Variants in FRS2 observed in about 807,000 individuals in gnomAD.
The protein encoded by FRS2 is FGFR signalling adaptor.
FRS2 carries 8 observed loss-of-function variants against 43.9 expected under a neutral mutation model. The ratio of observed to expected loss-of-function variants is 0.18; its 90% CI spans 0.11 to 0.33. FRS2 has a LOEUF of 0.33. FRS2 is among the 10% of genes least tolerant of loss of function. The pLI, the probability that FRS2 is intolerant of heterozygous loss-of-function variation, is 1.00. For synonymous variants in FRS2, 219 were observed against 220.3 expected (o/e 0.99, Z 0.05); for missense variants, 534 against 627.6 (o/e 0.85, Z 1.59).
chr12:69,569,165 A>G (rs374495404), intron 5 of FRS2, 69 bp downstream of exon 5: 16 of 863,568 alleles, frequency 1.9e-5, no homozygotes, highest in African/African-American at 6.8e-5. Flanking sequence ...TTCACTTAAC[A>G]TATCTTATTT....
At chr12:69,535,552 A>T in intron 3 of FRS2, among the ~76,000 whole-genome samples, 1 of 152,210 alleles carries the variant, frequency 6.6e-6, no homozygotes, top group Non-Finnish European at 1.5e-5. Context: ...AAATGAAAGG[A>T]TTCAAATAAT....
chr12:69,492,861 C>G (rs1301122065), intron 1 of FRS2, among the ~76,000 whole-genome samples: 3 of 152,140 alleles, frequency 2.0e-5, no homozygotes, highest in Non-Finnish European at 4.4e-5. Context: ...CAGCCATTGT[C>G]CTTCAGATGT....
chr12:69,576,237 C>G lies in FRS2; in HGVS notation c.*1282C>G, dbSNP rs1438092918. On this transcript the variant is annotated 3_prime_UTR_variant, in exon 9 of 9. Transcript: ENST00000549921. ...CTCTGCCCACTCTAGTGTTCCTCAGCTCTGCTGTCCTTTTACTTGTAGCTG... is the reference window on the plus strand; with the variant it reads ...CTCTGCCCACTCTAGTGTTCCTCAGGTCTGCTGTCCTTTTACTTGTAGCTG... 1 of 152,258 alleles carries G rather than the reference C, an allele frequency of 6.6e-6. No individual in the cohort carries two copies. Among genetic ancestry groups the G allele is most frequent in the Non-Finnish European group, 1.5e-5 (1 of 68,042 alleles). 9.4% of individuals were successfully genotyped at this position (152,258 alleles called of 1,614,324 possible).
At chr12:69,568,205 A>G (rs1019681896) in intron 4 of FRS2, among the ~76,000 whole-genome samples, 5 of 152,194 alleles carry the variant, frequency 3.3e-5, no homozygotes, top group African/African-American at 1.2e-4. Context: ...CAGTTTTGCC[A>G]GTATTCTGTG....
intron 1 of FRS2, among the ~76,000 whole-genome samples, chr12:69,511,644 A>AGTT (rs1238801749): frequency 2.0e-5 from 3 of 152,212 alleles, no homozygotes; most frequent in Admixed American, 2.0e-4. Flanking sequence ...TCAGTCGTTG[A>AGTT]GTTCTATGAT....
At chr12:69,498,701 G>A (rs1873151522) in intron 1 of FRS2, among the ~76,000 whole-genome samples, 1 of 152,102 alleles carries the variant, frequency 6.6e-6, no homozygotes. Flanking sequence ...GGGAAGTCTG[G>A]CCTGTGCATG....
chr12:69,571,432 C>G lies in FRS2; in HGVS notation c.410C>G (p.Thr137Arg). ...LEVPRTPRTP[T>R]TPGFAAQNLP... is the part of the protein sequence containing the mutation. ...GTCCCTAGAACACCTCGAACACCTA[C>G]AAGTAAGTACCCCTTTTCCCTTTCA... Residue 137 changes from threonine (T) to arginine (R), a missense_variant and splice_region_variant, in exon 7 of 9, where the codon ACA becomes AGA. This residue lies in a region of FRS2 where 446 missense variants were observed against 494.2 expected (regional missense o/e 0.90). Coordinates refer to ENST00000549921, the MANE Select transcript of FRS2 (RefSeq NM_001278356.2). The G allele has an allele frequency of 1.9e-6, 3 of 1,608,820 alleles. No homozygotes were observed. The highest frequency in any genetic ancestry group is 2.6e-6 in the Non-Finnish European group (3 of 1,176,334).
At chr12:69,570,623 A>C in intron 6 of FRS2, 106 bp downstream of exon 6, 1 of 676,564 alleles carries the variant, frequency 1.5e-6, no homozygotes, top group South Asian at 2.0e-5. Context: ...AAAATCCCAA[A>C]ATAAACAGAT....
intron 1 of FRS2, among the ~76,000 whole-genome samples, chr12:69,527,371 A>T: frequency 1.9e-5 from 1 of 52,524 alleles, no homozygotes. Flanking sequence ...TTTTAAAGAG[A>T]CAAGGTCTAG....
intron 3 of FRS2, among the ~76,000 whole-genome samples, chr12:69,557,594 T>TTGTGTGTGTGTG (rs376896422): frequency 0.061 from 8,409 of 136,754 alleles, 306 homozygotes; most frequent in Non-Finnish European, 0.088. Context: ...TGAAGGTTGA[T>TTGTGTGTGTGTG]TGTGTGTGTG....
chr12:69,514,984 C>A (rs1874847903), intron 1 of FRS2, among the ~76,000 whole-genome samples: 1 of 152,132 alleles, frequency 6.6e-6, no homozygotes, highest in Non-Finnish European at 1.5e-5. Flanking sequence ...ATGTGAAGCC[C>A]TCAATATGTG....
chr12:69,505,049 G>C (rs1873800349), intron 1 of FRS2, among the ~76,000 whole-genome samples: 1 of 152,168 alleles, frequency 6.6e-6, no homozygotes, highest in South Asian at 2.1e-4. Context: ...TGTAGAGATG[G>C]AGTCTCAGTA....
At position 69,579,421 on chromosome 12, in the gene FRS2, A is replaced by G. The variant is rs1193723981; in HGVS notation, c.*4466A>G. ...CAGAGTTCTTTACAATCAAACGTTT[A>G]TTAACTGGAGTACTTAGAATAAGCT... On this transcript the variant is annotated 3_prime_UTR_variant, in exon 9 of 9. Coordinates refer to ENST00000549921, the MANE Select transcript of FRS2 (RefSeq NM_001278356.2). 1 of 152,540 alleles carries G rather than the reference A, an allele frequency of 6.6e-6. No homozygotes were observed. The highest frequency in any genetic ancestry group is 1.5e-5 in the Non-Finnish European group (1 of 68,030). 9.4% of individuals were successfully genotyped at this position (152,540 alleles called of 1,614,324 possible). A position where few individuals can be genotyped will look rare whatever the true frequency, so the allele number is the denominator to read the frequency against.
At chr12:69,495,891 G>A (rs528315740) in intron 1 of FRS2, among the ~76,000 whole-genome samples, 12 of 152,066 alleles carry the variant, frequency 7.9e-5, no homozygotes, top group African/African-American at 2.7e-4. Context: ...TGATAGTGCC[G>A]TTGCACTCCA....
intron 4 of FRS2, among the ~76,000 whole-genome samples, chr12:69,564,871 A>G (rs570253212): frequency 6.6e-6 from 1 of 152,320 alleles, no homozygotes; most frequent in South Asian, 2.1e-4. Context: ...TTGGCATGGC[A>G]TACAAGGCTT....
At chr12:69,544,592 A>G (rs1382584624) in intron 3 of FRS2, among the ~76,000 whole-genome samples, 1 of 152,026 alleles carries the variant, frequency 6.6e-6, no homozygotes, top group Non-Finnish European at 1.5e-5. Context: ...CTGTAATTCC[A>G]ATTACTCAGG....
intron 1 of FRS2, among the ~76,000 whole-genome samples, chr12:69,487,736 A>G (rs1872087312): frequency 6.6e-6 from 1 of 152,244 alleles, no homozygotes; most frequent in East Asian, 1.9e-4. Context: ...GATCTGGGCA[A>G]AGTAAACTGA....
intron 8 of FRS2, among the ~76,000 whole-genome samples, chr12:69,573,185 T>C (rs952773304): frequency 2.6e-5 from 4 of 152,368 alleles, no homozygotes; most frequent in Admixed American, 6.5e-5. Flanking sequence ...CTTTTCTAAA[T>C]AGTGATAATT....
chr12:69,552,600 T>G (rs1878988674), intron 3 of FRS2, among the ~76,000 whole-genome samples: 2 of 152,174 alleles, frequency 1.3e-5, no homozygotes, highest in Admixed American at 6.5e-5. Flanking sequence ...TTCATTAAGT[T>G]AATCCTAGGT....
Sources: gnomAD v4.1 joint callset for allele counts (sites outside exome capture counted in the v4.1 genomes callset) on GRCh38, gnomAD v4.1.1 for gene constraint, gnomAD v4.1.1 regional missense constraint, MANE v1.5 for transcripts, NCBI Gene and HGNC (gene_info 2026-07-23, HGNC 2026-07-21) for gene names.